Variants in AKAP12 observed in about 807,000 individuals in gnomAD.
AKAP12 encodes A-kinase anchor protein 12.
In AKAP12, 32 loss-of-function variants were observed where a neutral mutation model predicts 79.9. The ratio of observed to expected loss-of-function variants is 0.40; its 90% CI spans 0.30 to 0.54. The LOEUF is 0.54. AKAP12 is among the 20% of genes least tolerant of loss of function. The pLI is 0.48. For synonymous variants in AKAP12, 808 were observed against 857.0 expected (o/e 0.94, Z 1.00); for missense variants, 2,074 against 2,177.0 (o/e 0.95, Z 0.94).
intron 2 of AKAP12, among the ~76,000 whole-genome samples, chr6:151,285,387 TGTG>T (rs1776483014): frequency 1.3e-5 from 1 of 74,732 alleles, no homozygotes; most frequent in Non-Finnish European, 2.9e-5. Context: ...CATTTCACTG[TGTG>T]TGTGTGTGTG....
At chr6:151,321,903 G>GTTTTTT (rs11415941) in intron 3 of AKAP12, among the ~76,000 whole-genome samples, 30 of 67,316 alleles carry the variant, frequency 4.5e-4, no homozygotes, top group Admixed American at 8.7e-4. Context: ...TCAGCTTTAT[G>GTTTTTT]TTTTTTTTTT....
chr6:151,271,110 T>C (rs78908317), intron 2 of AKAP12, among the ~76,000 whole-genome samples: 2 of 152,042 alleles, frequency 1.3e-5, no homozygotes, highest in African/African-American at 2.4e-5. Flanking sequence ...CCACCAAATA[T>C]GCCGAAGCAG....
intron 2 of AKAP12, among the ~76,000 whole-genome samples, chr6:151,300,742 G>T (rs1776848804): frequency 6.6e-6 from 1 of 151,264 alleles, no homozygotes; most frequent in South Asian, 2.1e-4. Flanking sequence ...TTAACAGCTT[G>T]TTTAGTTGTA....
intron 2 of AKAP12, among the ~76,000 whole-genome samples, chr6:151,304,976 C>T (rs935709946): frequency 6.6e-6 from 1 of 152,140 alleles, no homozygotes; most frequent in African/African-American, 2.4e-5. Context: ...AAACAATGAC[C>T]CAAATGGACA....
chr6:151,261,749 ATTTATTTATTT>A (rs2114699661), intron 2 of AKAP12, among the ~76,000 whole-genome samples: 1 of 146,928 alleles, frequency 6.8e-6, no homozygotes, highest in East Asian at 2.1e-4. Flanking sequence ...TTATTTATTT[ATTTATTTATTT>A]ATTTATTTAT....
Position 151,278,786 on chromosome 6 carries a change from G to C in AKAP12, c.163-26961G>C, listed in dbSNP as rs1471289356. Among the ~76,000 whole-genome samples, 3 of 151,894 alleles carry C rather than the reference G, an allele frequency of 2.0e-5. No individual in the cohort carries two copies. The East Asian group carries it at 5.8e-4, about 29-fold the overall frequency. On this transcript the variant is annotated intron_variant, in intron 2 of 4. Transcript: ENST00000402676. ...GGGTTCACGCCATTCTCCTGCCTCA[G>C]CCTCCCGAGTAGCTGGGAGTACAGG...
At chr6:151,272,536 T>TAGATAGAC (rs1251192445) in intron 2 of AKAP12, among the ~76,000 whole-genome samples, 2 of 151,008 alleles carry the variant, frequency 1.3e-5, no homozygotes, top group East Asian at 3.9e-4. Context: ...GATAGATAGA[T>TAGATAGAC]AGAGATGGAG....
chr6:151,325,520 AC>A (rs1482656669), intron 3 of AKAP12: 3 of 982,050 alleles, frequency 3.1e-6, no homozygotes, highest in Non-Finnish European at 3.6e-6. Context: ...GAAGCACGTG[AC>A]CCCCTGCTTG....
In AKAP12 at chr6:151,349,365, A is replaced by G. The variant is rs748824454; in HGVS notation, c.974A>G (p.Glu325Gly). 6.2e-7 allele frequency: 1 copy of G among 1,614,060 alleles called. No individual in the cohort carries two copies. Among genetic ancestry groups the G allele is most frequent in the South Asian group, 1.1e-5 (1 of 91,076 alleles). ...KPKEDEVEAS[E>G]KKKEQEPEKV... Reference sequence around the variant, plus strand: ...AAGGAGGATGAAGTGGAAGCTTCAGAGAAGAAAAAGGAACAAGAGCCAGAA... The same window carrying G: ...AAGGAGGATGAAGTGGAAGCTTCAGGGAAGAAAAAGGAACAAGAGCCAGAA... The change falls in exon 4 of 5, where the codon GAG (glutamate) becomes GGG (glycine). Residue 325 changes from glutamate to glycine, a missense_variant. Coordinates refer to ENST00000402676, the MANE Select transcript of AKAP12 (RefSeq NM_005100.4).
Position 151,350,456 on chromosome 6 carries a change from A to G in AKAP12, c.2065A>G (p.Lys689Glu). The G allele has an allele frequency of 1.9e-6, 3 of 1,614,162 alleles. No homozygotes were observed. The highest frequency in any genetic ancestry group is 2.5e-6 in the Non-Finnish European group (3 of 1,180,034). ...AGCTTTAATTTGTGTGGGATCATCC[A>G]AGAAAAGAGCAAGGAGAGGGTCCTC... The part of the protein sequence containing the change: ...WEALICVGSS[K>E]KRARRGSSSD... The change falls in exon 4 of 5, where the codon AAG becomes GAG. Residue 689 changes from lysine to glutamate, a missense_variant. Physicochemically the swap from Lys to Glu is moderately conservative, Grantham distance 56. Coordinates refer to ENST00000402676, the MANE Select transcript of AKAP12 (RefSeq NM_005100.4). This position sits in a 1 kb window ranked among gnomAD's most constrained non-coding sequence, Gnocchi z 4.8.
In AKAP12 at chr6:151,352,003, C is replaced by A. The variant is rs374252317; in HGVS notation, c.3612C>A (p.Thr1204=). The A allele has an allele frequency of 5.0e-6, 8 of 1,613,834 alleles. No homozygotes were observed. The African/African-American group carries it at 1.1e-4, about 22-fold the overall frequency. Residue 1204 remains threonine, a synonymous_variant, in exon 4 of 5, where the codon ACC becomes ACA. Transcript: ENST00000402676. The stretch of plus-strand genomic sequence containing the variant: ...AGGAGAATGAGGTCGCATCTGGTAC[C>A]CAGTCAGGGGGCACAGAAGCAGAGG... ...IHEENEVASG[T]QSGGTEAEAV... is the part of the protein sequence containing the mutation.
chr6:151,302,739 TATC>T lies in AKAP12; in HGVS notation c.163-3005_163-3003del, dbSNP rs564257929. Among the ~76,000 whole-genome samples, 423 of 152,294 alleles carry T rather than the reference TATC, an allele frequency of 2.8e-3. 4 individuals carry two copies. Among genetic ancestry groups the T allele is most frequent in the Middle Eastern group, 6.8e-3 (2 of 294 alleles). On this transcript the variant is annotated intron_variant, in intron 2 of 4. Transcript: ENST00000402676. ...TTTATGTTCCCTGTTTAGTTTGCCA[TATC>T]ATGAAACTGTGTATGTCAACAGTTT...
chr6:151,270,666 T>G (rs145803208), intron 2 of AKAP12, among the ~76,000 whole-genome samples: 1 of 152,326 alleles, frequency 6.6e-6, no homozygotes, highest in African/African-American at 2.4e-5. Context: ...AGGGTTCCAA[T>G]TTCTCTATAT....
chr6:151,242,374 C>G (rs960368790), intron 2 of AKAP12, among the ~76,000 whole-genome samples: 1 of 152,258 alleles, frequency 6.6e-6, no homozygotes, highest in East Asian at 1.9e-4. Flanking sequence ...TATCCTTTTC[C>G]TCTTTCCAAG....
intron 2 of AKAP12, among the ~76,000 whole-genome samples, chr6:151,274,923 G>A (rs1222623530): frequency 6.6e-6 from 1 of 152,094 alleles, no homozygotes; most frequent in Non-Finnish European, 1.5e-5. Flanking sequence ...GGCAACATGG[G>A]TGAAACCCCA....
intron 2 of AKAP12, among the ~76,000 whole-genome samples, chr6:151,262,281 T>C (rs2114700314): frequency 6.6e-6 from 1 of 152,316 alleles, no homozygotes; most frequent in African/African-American, 2.4e-5. Flanking sequence ...AGATGTTTTC[T>C]TGCTGGTCTG....
intron 2 of AKAP12, among the ~76,000 whole-genome samples, chr6:151,245,342 C>T (rs890393634): frequency 6.0e-5 from 9 of 150,804 alleles, no homozygotes; most frequent in African/African-American, 2.2e-4. Context: ...AACTAAATTT[C>T]CTTGAACCGA....
chr6:151,253,582 AG>A (rs1486708042), intron 2 of AKAP12, among the ~76,000 whole-genome samples: 2 of 152,300 alleles, frequency 1.3e-5, no homozygotes, highest in African/African-American at 4.8e-5. Flanking sequence ...CTTCAACCTT[AG>A]GTGGCCTATC....
intron 2 of AKAP12, among the ~76,000 whole-genome samples, chr6:151,294,197 C>T (rs760771846): frequency 1.9e-4 from 29 of 152,166 alleles, no homozygotes; most frequent in Admixed American, 1.3e-3. Flanking sequence ...TGGTCTGGAG[C>T]TCTTGACCTC....
Sources: gnomAD v4.1 joint callset for allele counts (sites outside exome capture counted in the v4.1 genomes callset) on GRCh38, gnomAD v4.1.1 for gene constraint, Gnocchi (gnomAD v3.1) non-coding constraint, MANE v1.5 for transcripts, NCBI Gene and HGNC (gene_info 2026-07-23, HGNC 2026-07-21) for gene names.